Variants in NAALADL2 observed in about 807,000 individuals in gnomAD.
The protein encoded by NAALADL2 is N-acetylated alpha-linked acidic dipeptidase like 2.
Under a neutral mutation model 87.2 loss-of-function variants are expected in NAALADL2, and 76 were observed. The observed-to-expected ratio is 0.87, with a 90% confidence interval of 0.72 to 1.05. The LOEUF is 1.05. NAALADL2 is among the 50% of genes least tolerant of loss of function. The pLI is 0.00. For synonymous variants in NAALADL2, 354 were observed against 331.0 expected (o/e 1.07, Z -0.75); for missense variants, 1,089 against 945.8 (o/e 1.15, Z -1.99).
chr3:175,113,358 A>G (rs2108508435), intron 2 of NAALADL2, among the ~76,000 whole-genome samples: 1 of 151,692 alleles, frequency 6.6e-6, no homozygotes, highest in African/African-American at 2.4e-5. Context: ...ACAGATGCCA[A>G]AATGAGAGGC....
At chr3:175,785,207 A>G (rs1172578673) in intron 13 of NAALADL2, among the ~76,000 whole-genome samples, 2 of 149,608 alleles carry the variant, frequency 1.3e-5, no homozygotes, top group African/African-American at 5.1e-5. Context: ...AGTTCTGTAG[A>G]TGTCTATTAG....
intron 2 of NAALADL2, among the ~76,000 whole-genome samples, chr3:175,199,847 TATATATATATATATATA>T (rs1403785195): frequency 4.9e-4 from 9 of 18,440 alleles, no homozygotes; most frequent in African/African-American, 2.2e-3. Flanking sequence ...TATATATATA[TATATATATATATATATA>T]TTTTTTTTTT....
intron 3 of NAALADL2, among the ~76,000 whole-genome samples, chr3:175,249,500 TGATA>T (rs1229170675): frequency 1.3e-5 from 2 of 152,158 alleles, no homozygotes; most frequent in South Asian, 2.1e-4. Flanking sequence ...CTATCACTGA[TGATA>T]GATATTTTTA....
intron 5 of NAALADL2, among the ~76,000 whole-genome samples, chr3:175,419,985 T>G (rs1283064080): frequency 1.3e-5 from 2 of 151,956 alleles, no homozygotes; most frequent in African/African-American, 2.4e-5. Flanking sequence ...TACTCTGAAT[T>G]TTTTTAATGA....
chr3:175,196,763 T>A (rs1231223052), intron 2 of NAALADL2, among the ~76,000 whole-genome samples: 1 of 151,948 alleles, frequency 6.6e-6, no homozygotes, highest in Non-Finnish European at 1.5e-5. Flanking sequence ...CCTCACAAAT[T>A]TCCTTTTCCT....
chr3:174,757,588 T>G (rs1712287725), intron 3 of NAALADL2, among the ~76,000 whole-genome samples: 1 of 151,940 alleles, frequency 6.6e-6, no homozygotes, highest in Non-Finnish European at 1.5e-5. Context: ...GCCTCCTGGG[T>G]TCCAGCGATT....
intron 13 of NAALADL2, among the ~76,000 whole-genome samples, chr3:175,791,798 T>G (rs564899552): frequency 6.6e-6 from 1 of 151,738 alleles, no homozygotes; most frequent in South Asian, 2.1e-4. Context: ...ATTTATTTTT[T>G]TCTTAAATTG....
At chr3:175,540,837 C>T (rs187956445) in intron 9 of NAALADL2, among the ~76,000 whole-genome samples, 70 of 152,220 alleles carry the variant, frequency 4.6e-4, no homozygotes, top group Middle Eastern at 6.8e-3. Context: ...ACTAAACACT[C>T]GCCTTCAGTC....
intron 1 of NAALADL2, among the ~76,000 whole-genome samples, chr3:174,947,962 G>C (rs539120227): frequency 6.6e-6 from 1 of 151,914 alleles, no homozygotes; most frequent in Non-Finnish European, 1.5e-5. Flanking sequence ...TGTAAATATA[G>C]TTATGAACTG....
intron 10 of NAALADL2, among the ~76,000 whole-genome samples, chr3:175,614,376 T>C (rs1287988394): frequency 3.3e-5 from 5 of 152,206 alleles, no homozygotes; most frequent in Admixed American, 3.3e-4. Context: ...TCTTAAACAA[T>C]CTAGATATTT....
At chr3:175,651,337 G>C (rs1350214212) in intron 11 of NAALADL2, among the ~76,000 whole-genome samples, 2 of 152,104 alleles carry the variant, frequency 1.3e-5, no homozygotes, top group African/African-American at 4.8e-5. Context: ...AATTTTTGTA[G>C]TATGATCTCA....
chr3:175,293,035 T>TAAA (rs1755847893), intron 4 of NAALADL2, among the ~76,000 whole-genome samples: 1 of 16,422 alleles, frequency 6.1e-5, no homozygotes, highest in African/African-American at 8.0e-4. Flanking sequence ...AGACTCCGTC[T>TAAA]CAAAAAAAAA....
chr3:175,301,645 G>C (rs1328725741), intron 4 of NAALADL2, among the ~76,000 whole-genome samples: 1 of 152,156 alleles, frequency 6.6e-6, no homozygotes, highest in African/African-American at 2.4e-5. Context: ...CTGAAATACA[G>C]AATTTTGGCA....
intron 1 of NAALADL2, among the ~76,000 whole-genome samples, chr3:174,935,568 C>T (rs116258900): frequency 6.6e-6 from 1 of 152,198 alleles, no homozygotes; most frequent in Non-Finnish European, 1.5e-5. Context: ...AATAATTTAA[C>T]TTTTGTGGTT....
intron 2 of NAALADL2, among the ~76,000 whole-genome samples, chr3:175,201,476 C>T (rs1220669522): frequency 1.3e-5 from 2 of 152,114 alleles, no homozygotes; most frequent in African/African-American, 4.8e-5. Context: ...AATCATTCAA[C>T]ATATCATGAG....
In NAALADL2 at chr3:175,502,669, G is replaced by A. The variant is rs188042520; in HGVS notation, c.1653+30911G>A. 9.1e-3 allele frequency among the ~76,000 whole-genome samples: 1,358 copies of A among 149,892 alleles called. 22 individuals carry two copies. The highest frequency in any genetic ancestry group is 0.032 in the African/African-American group (1,280 of 40,346). On this transcript the variant is annotated intron_variant, in intron 9 of 13. Transcript: ENST00000454872. Reference sequence around the variant, plus strand: ...AGCCTCGTTAATTATGAGTCAATTCGTTATAATAAATGTCTCTCTCTCTCT... The same window carrying A: ...AGCCTCGTTAATTATGAGTCAATTCATTATAATAAATGTCTCTCTCTCTCT...
chr3:175,365,524 C>T (rs886304774), intron 5 of NAALADL2, among the ~76,000 whole-genome samples: 3 of 147,458 alleles, frequency 2.0e-5, no homozygotes, highest in Non-Finnish European at 3.0e-5. Context: ...ATCATTATGA[C>T]CCATTGTATA....
chr3:175,511,476 A>G (rs1731144402), intron 9 of NAALADL2, among the ~76,000 whole-genome samples: 1 of 152,240 alleles, frequency 6.6e-6, no homozygotes, highest in Non-Finnish European at 1.5e-5. Flanking sequence ...CAATACAGTA[A>G]GAAGAGAGCC....
intron 1 of NAALADL2, among the ~76,000 whole-genome samples, chr3:174,967,513 C>T (rs939618251): frequency 7.9e-5 from 12 of 152,180 alleles, no homozygotes; most frequent in Non-Finnish European, 1.8e-4. Flanking sequence ...TGGGCTGGCT[C>T]TGTGACTTGC....
Sources: gnomAD v4.1 joint callset for allele counts (sites outside exome capture counted in the v4.1 genomes callset) on GRCh38, gnomAD v4.1.1 for gene constraint, MANE v1.5 for transcripts, NCBI Gene and HGNC (gene_info 2026-07-23, HGNC 2026-07-21) for gene names.